ZSCAN20: variants seen among roughly 807,000 people sequenced by gnomAD.
ZSCAN20 encodes the protein zinc finger and SCAN domain containing 20.
Under a neutral mutation model 97.1 loss-of-function variants are expected in ZSCAN20, and 39 were observed. That is an observed-to-expected ratio of 0.40 (90% confidence interval 0.31 to 0.52). The LOEUF is 0.52. Among genes scored for constraint, ZSCAN20 ranks in the 20% least tolerant of loss-of-function variants. ZSCAN20 has a pLI of 0.49. For missense variants in ZSCAN20, 1,115 were observed against 1,290.4 expected (o/e 0.86, Z 2.08); for synonymous variants, 456 against 467.3 (o/e 0.98, Z 0.31).
rs572111231 is a variant in ZSCAN20, at chr1:33,496,633, C to G, written c.*1157C>G. 6.6e-6 allele frequency: 1 copy of G among 152,174 alleles called. No homozygotes were observed. The highest frequency in any genetic ancestry group is 1.9e-4 in the East Asian group (1 of 5,182). The allele number at this position is 152,174 out of a possible 1,614,324, so 9.4% of individuals were successfully genotyped here. A position where few individuals can be genotyped will look rare whatever the true frequency, so the allele number is the denominator to read the frequency against. On this transcript the variant is annotated 3_prime_UTR_variant, in exon 8 of 8. Transcript: ENST00000684572. ...ATGCTTGGCTGATCATAGGTTAACCCTAACAGAAGCCTGGGGTCCCTACAT... is the reference window on the plus strand; with the variant it reads ...ATGCTTGGCTGATCATAGGTTAACCGTAACAGAAGCCTGGGGTCCCTACAT...
rs769087105 is a variant in ZSCAN20 at position 33,494,611 on chromosome 1, A to G, written c.2267A>G (p.His756Arg). ...AGTGACCGCTCTAACCTCAATACCC[A>G]TCAGAGAATCCACACTGGAGAGAAG... ...NFSDRSNLNTHQRIHTGEKPY... is the reference protein window; with the variant it reads ...NFSDRSNLNTRQRIHTGEKPY... The change falls in exon 8 of 8, where the codon CAT becomes CGT. Residue 756 changes from histidine to arginine, a missense_variant. Physicochemically the swap from His to Arg is conservative, Grantham distance 29. Transcript: ENST00000684572. 8.1e-6 allele frequency: 13 copies of G among 1,614,012 alleles called. No individual in the cohort carries two copies. The highest frequency in any genetic ancestry group is 1.3e-5 in the African/African-American group (1 of 75,032).
Position 33,500,865 on chromosome 1 carries a change from A to C in ZSCAN20, c.*5389A>C, listed in dbSNP as rs1461091105. Among the ~76,000 whole-genome samples the C allele has an allele frequency of 1.3e-5, 2 of 151,848 alleles. No individual in the cohort carries two copies. Among genetic ancestry groups the C allele is most frequent in the African/African-American group, 2.4e-5 (1 of 41,310 alleles). ...GGCTGGCAGAGTTGTGACTACTAGA[A>C]TCTCGAGTCACTGGGGCTCAGGGAG... On this transcript the variant is annotated 3_prime_UTR_variant, in exon 8 of 8. Coordinates refer to ENST00000684572, the MANE Select transcript of ZSCAN20 (RefSeq NM_001377376.1).
chr1:33,479,442 C>T lies in ZSCAN20; in HGVS notation c.154C>T (p.Gln52Ter). The T allele has an allele frequency of 6.2e-7, 1 of 1,614,238 alleles. No individual in the cohort carries two copies. The highest frequency in any genetic ancestry group is 8.5e-7 in the Non-Finnish European group (1 of 1,180,022). ...GSVSGPEASRQRFRQFQYRDA... is the reference protein window; with the variant it reads ...GSVSGPEASR ...TGTCTCTGGCCCAGAGGCCTCCCGC[C>T]AGCGCTTCAGGCAATTCCAATACAG... Residue 52 changes from glutamine to a stop codon, truncating the protein, a stop_gained, in exon 2 of 8, where the codon CAG becomes TAG. Coordinates refer to ENST00000684572, the MANE Select transcript of ZSCAN20 (RefSeq NM_001377376.1). LOFTEE classifies it high-confidence loss of function.
intron 2 of ZSCAN20, among the ~76,000 whole-genome samples, chr1:33,484,131 C>A (rs1652262784): frequency 6.6e-6 from 1 of 152,214 alleles, no homozygotes; most frequent in Admixed American, 6.5e-5. Flanking sequence ...TCTCCATAGA[C>A]AATCGTGTCA....
intron 2 of ZSCAN20, among the ~76,000 whole-genome samples, chr1:33,484,977 T>A (rs1463681149): frequency 6.6e-6 from 1 of 152,202 alleles, no homozygotes; most frequent in Non-Finnish European, 1.5e-5. Flanking sequence ...GTCTTGTAAG[T>A]AATTTCTTTG....
chr1:33,495,377 G>C lies in ZSCAN20; in HGVS notation c.3033G>C (p.Gly1011=), dbSNP rs771505671. Residue 1011 remains glycine (G), a synonymous_variant, in exon 8 of 8, where the codon GGG becomes GGC. Transcript: ENST00000684572. ...SLIIHQRIHT[G]EKPYKCTECG... ...TTATTCACCAGAGAATCCACACAGG[G>C]GAGAAACCCTACAAGTGCACAGAGT... The C allele has an allele frequency of 3.2e-5, 52 of 1,612,426 alleles. No individual in the cohort carries two copies. The highest frequency in any genetic ancestry group is 4.2e-5 in the Non-Finnish European group (49 of 1,179,074).
At chr1:33,472,906 G>A (rs1651780531) in intron 1 of ZSCAN20, among the ~76,000 whole-genome samples, 1 of 151,930 alleles carries the variant, frequency 6.6e-6, no homozygotes, top group South Asian at 2.1e-4. Context: ...AGGGCCCTGG[G>A]AATGAGGAGG....
In ZSCAN20 at chr1:33,479,292, G is replaced by T. The variant is rs754133351; in HGVS notation, c.4G>T (p.Ala2Ser). ...AGTGAGGTGTCTGGGTTAGACAATG[G>T]CTATGGCCCTGGAATTGCAAGCCCA... M[A>S]MALELQAQAS... The change falls in exon 2 of 8, where the codon GCT (alanine) becomes TCT (serine). Residue 2 changes from alanine (A) to serine (S), a missense_variant. Physicochemically the swap from Ala to Ser is moderately conservative, Grantham distance 99. Coordinates refer to ENST00000684572, the MANE Select transcript of ZSCAN20 (RefSeq NM_001377376.1). 34 of 1,603,010 alleles carry T rather than the reference G, an allele frequency of 2.1e-5. No individual in the cohort carries two copies. Among genetic ancestry groups the T allele is most frequent in the Non-Finnish European group, 2.8e-5 (33 of 1,174,100 alleles).
rs944771071 is a variant in ZSCAN20, at chr1:33,500,845, G to C, written c.*5369G>C. Among the ~76,000 whole-genome samples the C allele has an allele frequency of 1.3e-5, 2 of 152,032 alleles. No individual in the cohort carries two copies. Among genetic ancestry groups the C allele is most frequent in the Admixed American group, 6.5e-5 (1 of 15,274 alleles). ...GGAGAGGAGCCACAGGCCCAGGCTG[G>C]CAGAGTTGTGACTACTAGAATCTCG... On this transcript the variant is annotated 3_prime_UTR_variant, in exon 8 of 8. Coordinates refer to ENST00000684572, the MANE Select transcript of ZSCAN20 (RefSeq NM_001377376.1).
chr1:33,481,021 A>G (rs985696631), intron 2 of ZSCAN20, among the ~76,000 whole-genome samples: 1 of 152,238 alleles, frequency 6.6e-6, no homozygotes, highest in Admixed American at 6.5e-5. Flanking sequence ...CTGTACATTT[A>G]AACTGTAAAG....
Position 33,499,369 on chromosome 1 carries a change from TC to T in ZSCAN20, c.*3894del, listed in dbSNP as rs1331855872. Among the ~76,000 whole-genome samples the T allele has an allele frequency of 6.6e-6, 1 of 152,152 alleles. No individual in the cohort carries two copies. The highest frequency in any genetic ancestry group is 1.5e-5 in the Non-Finnish European group (1 of 68,034). ...TTCTTTTTTTCTTTTCCTTTCTTTC[TC>T]TCTTTTCTTCTGTGTAGATGCTAAT... On this transcript the variant is annotated 3_prime_UTR_variant, in exon 8 of 8. Transcript: ENST00000684572.
At chr1:33,486,582 A>G (rs1300163071) in intron 2 of ZSCAN20, among the ~76,000 whole-genome samples, 1 of 152,172 alleles carries the variant, frequency 6.6e-6, no homozygotes, top group Non-Finnish European at 1.5e-5. Context: ...TGACCTACTA[A>G]TTTTTTGTCT....
chr1:33,477,948 C>G (rs369452323), intron 1 of ZSCAN20, among the ~76,000 whole-genome samples: 3 of 151,842 alleles, frequency 2.0e-5, no homozygotes, highest in Non-Finnish European at 4.4e-5. Flanking sequence ...TAAGCTGAGA[C>G]CTTGCTAGCT....
chr1:33,494,208 AT>A lies in ZSCAN20; in HGVS notation c.1874-4del. The A allele has an allele frequency of 1.9e-6, 3 of 1,546,122 alleles. No homozygotes were observed. The highest frequency in any genetic ancestry group is 1.3e-5 in the South Asian group (1 of 79,762). ...GTGAAGAAAAACTGCATTTCTGTCC[AT>A]TTTTTCAGGTTTTGAAATGAGGCAT... On this transcript the variant is annotated splice_polypyrimidine_tract_variant and intron_variant, in intron 7 of 7. Coordinates refer to ENST00000684572, the MANE Select transcript of ZSCAN20 (RefSeq NM_001377376.1).
At chr1:33,473,613 T>C (rs1651812993) in intron 1 of ZSCAN20, among the ~76,000 whole-genome samples, 1 of 152,170 alleles carries the variant, frequency 6.6e-6, no homozygotes, top group Non-Finnish European at 1.5e-5. Context: ...TGCTGTTCTC[T>C]CAGCTTAGAA....
Position 33,499,619 on chromosome 1 carries a change from C to T in ZSCAN20, c.*4143C>T, listed in dbSNP as rs1173685210. Among the ~76,000 whole-genome samples, 5 of 152,224 alleles carry T rather than the reference C, an allele frequency of 3.3e-5. No individual in the cohort carries two copies. In the East Asian group the frequency reaches 9.6e-4, roughly 29 times the overall value. ...TGCCTGGAGAGACCTGCCCATTGGA[C>T]TCATCTTGGACTCAGTTCTGCCAAT... On this transcript the variant is annotated 3_prime_UTR_variant, in exon 8 of 8. Transcript: ENST00000684572.
chr1:33,499,161 C>T lies in ZSCAN20; in HGVS notation c.*3685C>T, dbSNP rs924844226. Among the ~76,000 whole-genome samples the T allele has an allele frequency of 3.3e-5, 5 of 152,150 alleles. No individual in the cohort carries two copies. The highest frequency in any genetic ancestry group is 9.7e-5 in the African/African-American group (4 of 41,432). ...CGGGCTGCAGAAAAGAATTGAGTCA[C>T]TTTCTGTAGGGGAGTAACACCCTTT... On this transcript the variant is annotated 3_prime_UTR_variant, in exon 8 of 8. Coordinates refer to ENST00000684572, the MANE Select transcript of ZSCAN20 (RefSeq NM_001377376.1).
chr1:33,484,931 CTT>C (rs1347950977), intron 2 of ZSCAN20, among the ~76,000 whole-genome samples: 3 of 152,082 alleles, frequency 2.0e-5, no homozygotes, highest in Non-Finnish European at 4.4e-5. Flanking sequence ...ATTTTTGCAT[CTT>C]TGTTCATGAG....
At position 33,498,460 on chromosome 1, in the gene ZSCAN20, ACT is replaced by A. The variant is rs1429375582; in HGVS notation, c.*2987_*2988del. ...CTACCTGACTTCCTTTGGAAGAAGC[ACT>A]CTTTCAGGGGGCTTCAGTGTTCCAG... On this transcript the variant is annotated 3_prime_UTR_variant, in exon 8 of 8. Coordinates refer to ENST00000684572, the MANE Select transcript of ZSCAN20 (RefSeq NM_001377376.1). Among the ~76,000 whole-genome samples, 1 of 151,914 alleles carries A rather than the reference ACT, an allele frequency of 6.6e-6. No individual in the cohort carries two copies.
Sources: gnomAD v4.1 joint callset for allele counts (sites outside exome capture counted in the v4.1 genomes callset) on GRCh38, gnomAD v4.1.1 for gene constraint, MANE v1.5 for transcripts, NCBI Gene and HGNC (gene_info 2026-07-23, HGNC 2026-07-21) for gene names.